Variants in CORO7 observed in about 807,000 individuals in gnomAD.
CORO7 encodes the protein coronin 7, also known as coronin-7.
A neutral mutation model predicts 126.6 loss-of-function variants in CORO7; 107 were observed. That is an observed-to-expected ratio of 0.85 (90% CI 0.72 to 0.99). The LOEUF (loss-of-function observed/expected upper bound fraction) is 0.99. CORO7 is among the 50% of genes least tolerant of loss of function. The pLI, the probability that CORO7 is intolerant of heterozygous loss-of-function variation, is 0.00. For missense variants in CORO7, 1,314 were observed against 1,255.8 expected, an observed-to-expected ratio of 1.05 and a Z score of -0.70; for synonymous variants, 603 against 536.8, an observed-to-expected ratio of 1.12 and a Z score of -1.70.
chr16:4,372,743 A>G (rs73507272), intron 9 of CORO7, among the ~76,000 whole-genome samples: 14,161 of 152,166 alleles, frequency 0.093, 1,247 homozygotes, highest in African/African-American at 0.23. Context: ...ATTGGTGCCA[A>G]CCATTCTGCC....
chr16:4,361,957 G>A (rs2054193946), intron 16 of CORO7, 28 bp downstream of exon 16: 1 of 1,580,160 alleles, frequency 6.3e-7, no homozygotes, highest in African/African-American at 1.4e-5. Flanking sequence ...GGAACTGAGG[G>A]GCAGCCCTGG....
At chr16:4,390,054 A>C (rs185740168) in intron 7 of CORO7, among the ~76,000 whole-genome samples, 34 of 152,300 alleles carry the variant, frequency 2.2e-4, no homozygotes, top group African/African-American at 8.2e-4. Context: ...TGGTGAATAA[A>C]ATGGGGAAAG....
intron 9 of CORO7, among the ~76,000 whole-genome samples, chr16:4,372,706 C>A (rs1329451853): frequency 6.6e-6 from 1 of 152,148 alleles, no homozygotes; most frequent in Non-Finnish European, 1.5e-5. Flanking sequence ...CTGCTGAGGT[C>A]CCCTGTGGTC....
intron 1 of CORO7, chr16:4,415,731 G>C: frequency 3.0e-6 from 3 of 985,506 alleles, no homozygotes; most frequent in Non-Finnish European, 3.6e-6. Context: ...CACGGAAAGC[G>C]GAAGAGCAGA....
intron 13 of CORO7, 40 bp from the exon 14 acceptor site, chr16:4,364,453 T>G (rs1596279708): frequency 1.3e-6 from 2 of 1,482,562 alleles, no homozygotes; most frequent in African/African-American, 2.8e-5. Context: ...GGGCATGGGC[T>G]GCCCGGTCAG....
chr16:4,378,350 G>T (rs1596301770), intron 9 of CORO7, among the ~76,000 whole-genome samples: 1 of 152,174 alleles, frequency 6.6e-6, no homozygotes, highest in East Asian at 1.9e-4. Flanking sequence ...TGGCCAGGCT[G>T]GCCAGGCTGG....
chr16:4,358,504 G>C (rs1220649897), intron 23 of CORO7, 21 bp from the exon 24 acceptor site: 8 of 1,567,626 alleles, frequency 5.1e-6, no homozygotes, highest in Non-Finnish European at 6.9e-6. Flanking sequence ...AAGGGAGTCG[G>C]AGCTGCCGCT....
chr16:4,402,977 T>C (rs1392086920), intron 6 of CORO7, among the ~76,000 whole-genome samples: 3 of 142,620 alleles, frequency 2.1e-5, no homozygotes, highest in Non-Finnish European at 4.6e-5. Context: ...AGGACAGGAG[T>C]GGAAGCCAGG....
chr16:4,387,714 T>C (rs1277891407), intron 9 of CORO7: 2 of 554,784 alleles, frequency 3.6e-6, no homozygotes, highest in Admixed American at 3.0e-5. Flanking sequence ...CAAGCATACC[T>C]GTGTCAACCC....
chr16:4,403,764 T>G (rs1374839691), intron 6 of CORO7, among the ~76,000 whole-genome samples: 2 of 152,112 alleles, frequency 1.3e-5, no homozygotes, highest in Non-Finnish European at 2.9e-5. Flanking sequence ...ACCACACCTG[T>G]GACAGAGGGG....
chr16:4,365,623 G>A, intron 9 of CORO7, 78 bp from the exon 10 acceptor site: 2 of 1,532,370 alleles, frequency 1.3e-6, no homozygotes, highest in South Asian at 1.2e-5. Context: ...AGGAGCCCAG[G>A]ACAGGCACCA....
chr16:4,391,009 A>G (rs1375615344), intron 7 of CORO7, among the ~76,000 whole-genome samples: 1 of 152,134 alleles, frequency 6.6e-6, no homozygotes, highest in Non-Finnish European at 1.5e-5. Context: ...CCACTCCCCA[A>G]TGTGGGTACA....
chr16:4,395,268 C>G, intron 7 of CORO7, 21 bp downstream of exon 7: 4 of 1,613,978 alleles, frequency 2.5e-6, no homozygotes, highest in Non-Finnish European at 3.4e-6. Flanking sequence ...CAACCCACCC[C>G]AGCTTGCCCA....
intron 9 of CORO7, chr16:4,383,155 C>T (rs946627616): frequency 2.8e-5 from 13 of 459,046 alleles, no homozygotes; most frequent in African/African-American, 6.1e-5. Context: ...CCCTCCGCAA[C>T]GTGCAGTCCC....
At position 4,364,787 on chromosome 16, in the gene CORO7, A is replaced by C. The variant is rs1372503288; in HGVS notation, c.1032T>G (p.His344Gln). ...AAGTCCCCCTCACCTTGCGGGGCAC[A>C]TGGTAGCCGATGGGCACGATGGCTG... The part of the protein sequence containing the change: ...SDTAIVPIGY[H>Q]VPRKAVEFHE... The change falls in exon 12 of 28, where the codon CAT (histidine) becomes CAG (glutamine). Residue 344 changes from histidine (H) to glutamine (Q), a missense_variant. Physicochemically the swap from His to Gln is conservative, Grantham distance 24. Transcript: ENST00000251166. 2 of 1,611,104 alleles carry C rather than the reference A, an allele frequency of 1.2e-6. No individual in the cohort carries two copies. The highest frequency in any genetic ancestry group is 1.7e-6 in the Non-Finnish European group (2 of 1,179,378).
chr16:4,394,507 C>G (rs1454395719), intron 7 of CORO7, among the ~76,000 whole-genome samples: 1 of 152,194 alleles, frequency 6.6e-6, no homozygotes, highest in African/African-American at 2.4e-5. Flanking sequence ...ACCATGGGCC[C>G]GTATCCCCCA....
chr16:4,407,081 GGGAT>G (rs2056027759), intron 5 of CORO7, among the ~76,000 whole-genome samples: 1 of 152,100 alleles, frequency 6.6e-6, no homozygotes, highest in Non-Finnish European at 1.5e-5. Context: ...CTGAGTAGCT[GGGAT>G]TACAGGTGTG....
At chr16:4,402,360 A>G (rs1022662980) in intron 6 of CORO7, among the ~76,000 whole-genome samples, 5 of 152,010 alleles carry the variant, frequency 3.3e-5, no homozygotes, top group African/African-American at 1.2e-4. Flanking sequence ...GGCTCAAGCA[A>G]TCTTCCTGCC....
At chr16:4,404,191 C>T (rs1367991308) in intron 6 of CORO7, among the ~76,000 whole-genome samples, 1 of 152,224 alleles carries the variant, frequency 6.6e-6, no homozygotes, top group Non-Finnish European at 1.5e-5. Context: ...TGGTAGGCCT[C>T]CCTGCCCTGC....
Sources: allele counts gnomAD v4.1 joint callset (sites outside exome capture counted in the v4.1 genomes callset), GRCh38; gene constraint gnomAD v4.1.1; transcripts MANE v1.5; gene names NCBI Gene and HGNC (gene_info 2026-07-23, HGNC 2026-07-21).